GALNT7: variants seen among roughly 807,000 people sequenced by gnomAD.
GALNT7 encodes N-acetylgalactosaminyltransferase 7.
In GALNT7, 60 loss-of-function variants were observed where a neutral mutation model predicts 82.1. That is an observed-to-expected ratio of 0.73 (90% CI 0.59 to 0.91). The LOEUF is 0.91. Among genes scored for constraint, GALNT7 ranks in the 40% least tolerant of loss-of-function variants. The probability of loss-of-function intolerance (pLI) is 0.00; values close to 1 mark genes in which losing one functional copy is unlikely to be tolerated. For synonymous variants in GALNT7, 243 were observed against 275.1 expected (o/e 0.88, Z 1.15); for missense variants, 660 against 804.2 (o/e 0.82, Z 2.17).
rs916238914 is a variant in GALNT7 at position 173,302,621 on chromosome 4, C to T, written c.1266+457C>T. Among the ~76,000 whole-genome samples the T allele has an allele frequency of 3.9e-5, 6 of 152,206 alleles. No individual in the cohort carries two copies. In the East Asian group the frequency reaches 7.7e-4, roughly 20 times the overall value. On this transcript the variant is annotated intron_variant, in intron 7 of 11. Transcript: ENST00000265000. The surrounding 1 kb of genome is among the most constrained non-coding windows in gnomAD (Gnocchi z 4.2). Reference sequence around the variant, plus strand: ...TGGCGCTGTCTTCCTGCAGCATCCACCCTGTTGTTGAAGCAGTCTGGGAGC... The same window carrying T: ...TGGCGCTGTCTTCCTGCAGCATCCATCCTGTTGTTGAAGCAGTCTGGGAGC...
chr4:173,169,274 G>A (rs1561138551), intron 1 of GALNT7: 1 of 148,972 alleles, frequency 6.7e-6, no homozygotes, highest in Admixed American at 6.7e-5. Flanking sequence ...GGCGGAGCGG[G>A]CGGAGAGCCG....
chr4:173,248,586 C>T (rs1734745505), intron 2 of GALNT7, 146 bp downstream of exon 2: 1 of 614,456 alleles, frequency 1.6e-6, no homozygotes, highest in Admixed American at 3.0e-5. Flanking sequence ...GCAAAATGGT[C>T]AGAAGGAGGC....
chr4:173,296,529 A>ACATTTTT (rs1201243724), intron 5 of GALNT7, among the ~76,000 whole-genome samples: 42 of 152,342 alleles, frequency 2.8e-4, no homozygotes, highest in African/African-American at 1.0e-3. Context: ...CCGAACATGA[A>ACATTTTT]CATTTTTCAC....
rs777941974 is a variant in GALNT7 at position 173,188,938 on chromosome 4, C to T, written c.126+19977C>T. Among the ~76,000 whole-genome samples, 7 of 152,172 alleles carry T rather than the reference C, an allele frequency of 4.6e-5. 1 individual carries two copies. Among genetic ancestry groups the T allele is most frequent in the Admixed American group, 1.3e-4 (2 of 15,276 alleles). On this transcript the variant is annotated intron_variant, in intron 1 of 11. Transcript: ENST00000265000. ...CCCTACTTTATATTATTCCCCTGTCCGCTGCTGAGTAGCCCCTGGCCTTAC... is the reference window on the plus strand; with the variant it reads ...CCCTACTTTATATTATTCCCCTGTCTGCTGCTGAGTAGCCCCTGGCCTTAC...
rs1163213108 is a variant in GALNT7, at chr4:173,295,597, AT to A, written c.885+73del. 4.8e-6 allele frequency: 7 copies of A among 1,454,738 alleles called. No homozygotes were observed. In the African/African-American group the frequency reaches 9.8e-5, roughly 20 times the overall value. The allele number at this position is 1,454,738 out of a possible 1,614,324, so 90.1% of individuals were successfully genotyped here. A position where few individuals can be genotyped will look rare whatever the true frequency, so the allele number is the denominator to read the frequency against. On this transcript the variant is annotated intron_variant, in intron 4 of 11. Coordinates refer to ENST00000265000, the MANE Select transcript of GALNT7 (RefSeq NM_017423.3). ...AACTAAATCATACACATTTTTAATC[AT>A]TCTTCAGTTTTTTTAATTGAAATGA...
At chr4:173,298,606 T>G (rs928739226) in intron 6 of GALNT7, among the ~76,000 whole-genome samples, 48 of 152,376 alleles carry the variant, frequency 3.2e-4, no homozygotes, top group African/African-American at 1.1e-3. Flanking sequence ...CCTGTCCTAC[T>G]GGATTAGACA....
intron 1 of GALNT7, among the ~76,000 whole-genome samples, chr4:173,203,139 A>T (rs1732993976): frequency 6.6e-6 from 1 of 151,784 alleles, no homozygotes; most frequent in South Asian, 2.1e-4. Flanking sequence ...TCTGTCACCC[A>T]AGCTGGAGTG....
intron 2 of GALNT7, among the ~76,000 whole-genome samples, chr4:173,288,086 A>T (rs558030446): frequency 6.2e-4 from 94 of 151,816 alleles, no homozygotes; most frequent in African/African-American, 1.9e-3. Flanking sequence ...GATCGAGACC[A>T]TCCTGGCTAA....
chr4:173,281,149 C>T (rs1736095398), intron 2 of GALNT7, among the ~76,000 whole-genome samples: 1 of 152,146 alleles, frequency 6.6e-6, no homozygotes. Flanking sequence ...CCTTGAGGAA[C>T]ATGTTTTAGA....
At chr4:173,196,771 T>C (rs1342995464) in intron 1 of GALNT7, among the ~76,000 whole-genome samples, 1 of 152,152 alleles carries the variant, frequency 6.6e-6, no homozygotes, top group African/African-American at 2.4e-5. Context: ...CAGCTCCCAC[T>C]TATAAATGAC....
At chr4:173,319,042 G>C (rs939633692) in intron 11 of GALNT7, among the ~76,000 whole-genome samples, 7 of 152,110 alleles carry the variant, frequency 4.6e-5, no homozygotes, top group Non-Finnish European at 1.0e-4. Context: ...TCATTGTTGT[G>C]TGCTAAATAC....
intron 2 of GALNT7, among the ~76,000 whole-genome samples, chr4:173,263,061 T>G (rs1179543211): frequency 6.6e-6 from 1 of 152,216 alleles, no homozygotes; most frequent in Non-Finnish European, 1.5e-5. Flanking sequence ...TTACCCACTT[T>G]GCTTTGGTAC....
At chr4:173,267,158 A>G (rs1191984260) in intron 2 of GALNT7, among the ~76,000 whole-genome samples, 4 of 152,140 alleles carry the variant, frequency 2.6e-5, no homozygotes, top group African/African-American at 9.7e-5. Flanking sequence ...ATCATTACCC[A>G]TTATATGCAT....
chr4:173,283,635 GAAA>G (rs201117902), intron 2 of GALNT7, among the ~76,000 whole-genome samples: 1 of 92,838 alleles, frequency 1.1e-5, no homozygotes, highest in Non-Finnish European at 2.2e-5. Context: ...AACTCTGTCT[GAAA>G]AAAAAAAAAA....
intron 2 of GALNT7, among the ~76,000 whole-genome samples, chr4:173,291,863 C>T (rs532698023): frequency 1.3e-5 from 2 of 150,588 alleles, no homozygotes; most frequent in African/African-American, 4.9e-5. Context: ...AGCATAAATT[C>T]ACAAATTAAG....
intron 1 of GALNT7, among the ~76,000 whole-genome samples, chr4:173,238,547 A>G (rs1734308065): frequency 6.6e-6 from 1 of 152,116 alleles, no homozygotes; most frequent in Non-Finnish European, 1.5e-5. Flanking sequence ...TGCTCTTACC[A>G]CTGAAATGAT....
At chr4:173,199,047 A>G (rs762620302) in intron 1 of GALNT7, among the ~76,000 whole-genome samples, 5 of 152,238 alleles carry the variant, frequency 3.3e-5, no homozygotes, top group Admixed American at 6.5e-5. Flanking sequence ...CTTTGAGGAA[A>G]GCTGTTGCAA....
At chr4:173,304,181 A>G (rs946679798) in intron 8 of GALNT7, 63 bp downstream of exon 8, 11 of 1,426,888 alleles carry the variant, frequency 7.7e-6, no homozygotes, top group Middle Eastern at 1.8e-4. Flanking sequence ...ATGCTATAGT[A>G]GTTACTTAAC....
chr4:173,234,066 T>A (rs532611168), intron 1 of GALNT7, among the ~76,000 whole-genome samples: 1 of 152,352 alleles, frequency 6.6e-6, no homozygotes, highest in South Asian at 2.1e-4. Flanking sequence ...AACTTCACGT[T>A]ACCAAATGCA....
Sources: allele counts gnomAD v4.1 joint callset (sites outside exome capture counted in the v4.1 genomes callset), GRCh38; gene constraint gnomAD v4.1.1; non-coding constraint Gnocchi (gnomAD v3.1); transcripts MANE v1.5; gene names NCBI Gene and HGNC (gene_info 2026-07-23, HGNC 2026-07-21).